Variants in RELN observed in about 807,000 individuals in gnomAD.
RELN encodes reelin.
Under a neutral mutation model 427.6 loss-of-function variants are expected in RELN, and 108 were observed. The ratio of observed to expected loss-of-function variants is 0.25; its 90% CI spans 0.22 to 0.30. RELN has a LOEUF of 0.30. Among genes scored for constraint, RELN ranks in the 10% least tolerant of loss-of-function variants. The pLI is 1.00. For synonymous variants in RELN, 1,524 were observed against 1,513.4 expected (o/e 1.01, Z -0.16); for missense variants, 3,715 against 4,302.8 (o/e 0.86, Z 3.82).
rs10650410 is a variant in RELN at position 103,885,338 on chromosome 7, C to CAAA, written c.337+31734_337+31736dup. Among the ~76,000 whole-genome samples, 159 of 142,144 alleles carry CAAA rather than the reference C, an allele frequency of 1.1e-3. 1 individual carries two copies. The highest frequency in any genetic ancestry group is 9.8e-4 in the Non-Finnish European group (64 of 65,484). 93.3% of individuals were successfully genotyped at this position (142,144 alleles called of 152,430 possible). ...TGGGCGACAGAGCAAGACTCCATCT[C>CAAA]AAAAAAAAAAAATTATAGACTGGAT... On this transcript the variant is annotated intron_variant, in intron 2 of 64. Coordinates refer to ENST00000428762, the MANE Select transcript of RELN (RefSeq NM_005045.4).
chr7:103,660,942 T>C (rs1264298008), intron 12 of RELN, among the ~76,000 whole-genome samples: 1 of 152,222 alleles, frequency 6.6e-6, no homozygotes, highest in African/African-American at 2.4e-5. Context: ...GAGAGTATTA[T>C]TAAAGTATTA....
intron 10 of RELN, among the ~76,000 whole-genome samples, chr7:103,693,694 G>T (rs1833919496): frequency 6.6e-6 from 1 of 152,112 alleles, no homozygotes; most frequent in South Asian, 2.1e-4. Context: ...AGTCATCAAA[G>T]GTCTTAAGCA....
At chr7:103,755,581 C>G (rs533003969) in intron 4 of RELN, among the ~76,000 whole-genome samples, 66 of 147,990 alleles carry the variant, frequency 4.5e-4, no homozygotes, top group Non-Finnish European at 8.2e-4. Context: ...GCACTCCAGC[C>G]TGGGGGACAG....
intron 46 of RELN, among the ~76,000 whole-genome samples, chr7:103,527,008 G>A (rs1044069134): frequency 6.6e-6 from 1 of 152,092 alleles, no homozygotes; most frequent in African/African-American, 2.4e-5. Flanking sequence ...ACAGTATGTA[G>A]TAAGTGTTAC....
At chr7:103,955,813 C>T (rs1796421534) in intron 1 of RELN, among the ~76,000 whole-genome samples, 2 of 152,164 alleles carry the variant, frequency 1.3e-5, no homozygotes, top group Admixed American at 1.3e-4. Flanking sequence ...AGGAAAAGCC[C>T]ATCCCAGCTT....
At chr7:103,746,944 G>A (rs1249321278) in intron 6 of RELN, among the ~76,000 whole-genome samples, 1 of 152,060 alleles carries the variant, frequency 6.6e-6, no homozygotes, top group Non-Finnish European at 1.5e-5. Context: ...AAATCATGCT[G>A]CTACAAAGAC....
chr7:103,590,412 A>G (rs939638335), intron 27 of RELN, among the ~76,000 whole-genome samples: 3 of 151,980 alleles, frequency 2.0e-5, no homozygotes, highest in African/African-American at 7.2e-5. Context: ...AAATACAAAA[A>G]TTAGCCAGCG....
intron 63 of RELN, among the ~76,000 whole-genome samples, chr7:103,479,268 C>T (rs868819546): frequency 6.6e-6 from 1 of 152,094 alleles, no homozygotes; most frequent in South Asian, 2.1e-4. Context: ...AAGAACCTCA[C>T]CAGCATGGAT....
At chr7:103,501,281 T>C (rs1202347653) in intron 52 of RELN, among the ~76,000 whole-genome samples, 1 of 152,202 alleles carries the variant, frequency 6.6e-6, no homozygotes, top group African/African-American at 2.4e-5. Flanking sequence ...GATTCACTAA[T>C]TGCATTTCTG....
At chr7:103,835,975 AGGC>A (rs751325141) in intron 2 of RELN, among the ~76,000 whole-genome samples, 144 of 131,590 alleles carry the variant, frequency 1.1e-3, no homozygotes, top group Non-Finnish European at 1.7e-3. Context: ...TTTTTTTTAT[AGGC>A]GGAGTCTCAC....
intron 16 of RELN, among the ~76,000 whole-genome samples, chr7:103,648,708 T>C (rs1214139282): frequency 6.6e-6 from 1 of 151,944 alleles, no homozygotes; most frequent in African/African-American, 2.4e-5. Context: ...GGGACTAATA[T>C]CCAGAATTAA....
chr7:103,675,138 C>T (rs1833487588), intron 11 of RELN, among the ~76,000 whole-genome samples: 1 of 152,096 alleles, frequency 6.6e-6, no homozygotes, highest in South Asian at 2.1e-4. Flanking sequence ...TTAGAAAACC[C>T]CACTGTCTCA....
At chr7:103,786,517 CAAAAAA>C (rs66567252) in intron 3 of RELN, among the ~76,000 whole-genome samples, 1 of 98,582 alleles carries the variant, frequency 1.0e-5, no homozygotes, top group Non-Finnish European at 2.0e-5. Context: ...AAAATGGAAC[CAAAAAA>C]AAAAAAAAAA....
intron 1 of RELN, among the ~76,000 whole-genome samples, chr7:103,955,747 T>C (rs139828722): frequency 6.6e-6 from 1 of 152,146 alleles, no homozygotes; most frequent in Non-Finnish European, 1.5e-5. Context: ...GACAAGAAAC[T>C]CCATGTGAAA....
intron 46 of RELN, among the ~76,000 whole-genome samples, chr7:103,523,960 A>T (rs951933367): frequency 6.6e-6 from 1 of 152,326 alleles, no homozygotes; most frequent in South Asian, 2.1e-4. Flanking sequence ...TACAGGCATG[A>T]GCCACTGTGC....
At chr7:103,560,377 T>C (rs1055931187) in intron 36 of RELN, among the ~76,000 whole-genome samples, 2 of 152,210 alleles carry the variant, frequency 1.3e-5, no homozygotes, top group Admixed American at 6.5e-5. Context: ...AGCTGATAGA[T>C]AATATGTCTA....
At chr7:103,567,514 A>C (rs937825601) in intron 31 of RELN, among the ~76,000 whole-genome samples, 1 of 152,178 alleles carries the variant, frequency 6.6e-6, no homozygotes, top group Non-Finnish European at 1.5e-5. Flanking sequence ...GCTAAGGATG[A>C]AACTGTGGGA....
intron 7 of RELN, among the ~76,000 whole-genome samples, chr7:103,725,387 T>A (rs1790181006): frequency 1.3e-5 from 2 of 152,012 alleles, no homozygotes; most frequent in Admixed American, 6.6e-5. Context: ...ACCTCATCTC[T>A]ACAAACAATT....
intron 3 of RELN, among the ~76,000 whole-genome samples, chr7:103,821,637 T>C (rs1457827217): frequency 2.4e-4 from 36 of 152,142 alleles, no homozygotes; most frequent in Admixed American, 2.4e-3. Flanking sequence ...CCATCTCAAA[T>C]CTGAGCATTA....
Sources: gnomAD v4.1 joint callset for allele counts (sites outside exome capture counted in the v4.1 genomes callset) on GRCh38, gnomAD v4.1.1 for gene constraint, MANE v1.5 for transcripts, NCBI Gene and HGNC (gene_info 2026-07-23, HGNC 2026-07-21) for gene names.